MACROD2: variants seen among roughly 807,000 people sequenced by gnomAD.
MACROD2 encodes the protein mono-ADP ribosylhydrolase 2, also known as ADP-ribose glycohydrolase MACROD2.
A neutral mutation model predicts 70.4 loss-of-function variants in MACROD2; 36 were observed. The observed-to-expected ratio is 0.51, with a 90% CI of 0.39 to 0.68. The LOEUF (loss-of-function observed/expected upper bound fraction) is 0.68, where lower values mean the gene tolerates loss of function less well. Ranked by LOEUF, MACROD2 falls within the 30% of genes least tolerant of loss-of-function variation. MACROD2 has a pLI of 0.00. For missense variants in MACROD2, 496 were observed against 538.4 expected (o/e 0.92, Z 0.78); for synonymous variants, 172 against 178.8 (o/e 0.96, Z 0.30).
chr20:15,425,062 G>A (rs1160506460), intron 6 of MACROD2, among the ~76,000 whole-genome samples: 1 of 152,182 alleles, frequency 6.6e-6, no homozygotes, highest in Non-Finnish European at 1.5e-5. Context: ...TTCAGAGAGG[G>A]TGGCAGTGGT....
chr20:14,072,139 T>C (rs1239835129), intron 2 of MACROD2, among the ~76,000 whole-genome samples: 1 of 152,212 alleles, frequency 6.6e-6, no homozygotes, highest in Non-Finnish European at 1.5e-5. Context: ...TGTCAAATAG[T>C]AGCAGAAACT....
chr20:14,177,346 G>A (rs952461780), intron 3 of MACROD2, among the ~76,000 whole-genome samples: 1 of 136,066 alleles, frequency 7.3e-6, no homozygotes, highest in African/African-American at 2.8e-5. Flanking sequence ...TTGTTGCCCA[G>A]GCTTTTGTTG....
chr20:16,013,529 G>A (rs6080090), intron 15 of MACROD2, among the ~76,000 whole-genome samples: 1 of 152,146 alleles, frequency 6.6e-6, no homozygotes, highest in African/African-American at 2.4e-5. Flanking sequence ...CTCCAGTCAA[G>A]GCCATGTTTT....
intron 3 of MACROD2, among the ~76,000 whole-genome samples, chr20:14,340,173 G>A (rs2082998670): frequency 6.6e-6 from 1 of 152,178 alleles, no homozygotes; most frequent in South Asian, 2.1e-4. Context: ...GGCTGTAATA[G>A]GAAGGGAGGA....
At chr20:14,506,256 C>A (rs886153783) in intron 4 of MACROD2, among the ~76,000 whole-genome samples, 1 of 152,130 alleles carries the variant, frequency 6.6e-6, no homozygotes, top group African/African-American at 2.4e-5. Flanking sequence ...AGACCCTAAG[C>A]TTTTTATGTA....
chr20:15,598,546 A>G (rs2048775865), intron 8 of MACROD2, among the ~76,000 whole-genome samples: 1 of 152,204 alleles, frequency 6.6e-6, no homozygotes, highest in Non-Finnish European at 1.5e-5. Flanking sequence ...CGTGGTGCTA[A>G]TAAGACCTGG....
intron 15 of MACROD2, among the ~76,000 whole-genome samples, chr20:16,016,304 G>A (rs917879412): frequency 6.6e-6 from 1 of 152,152 alleles, no homozygotes; most frequent in Non-Finnish European, 1.5e-5. Flanking sequence ...GTGTTGGACT[G>A]TGGGCTTTGC....
intron 5 of MACROD2, among the ~76,000 whole-genome samples, chr20:14,717,976 A>G (rs576184443): frequency 1.3e-5 from 2 of 152,184 alleles, no homozygotes; most frequent in South Asian, 2.1e-4. Context: ...ACACACACAC[A>G]CACAAATGCA....
At chr20:14,277,917 GC>G (rs1488241620) in intron 3 of MACROD2, among the ~76,000 whole-genome samples, 2 of 152,208 alleles carry the variant, frequency 1.3e-5, no homozygotes, top group African/African-American at 2.4e-5. Context: ...TCACCATTCA[GC>G]ATTAGATTTA....
chr20:15,386,707 C>T (rs552777244), intron 6 of MACROD2, among the ~76,000 whole-genome samples: 11 of 152,246 alleles, frequency 7.2e-5, no homozygotes, highest in African/African-American at 2.4e-4. Flanking sequence ...AGAATATGTT[C>T]CTTCCAGGGG....
At chr20:15,873,488 C>G (rs1176566600) in intron 9 of MACROD2, among the ~76,000 whole-genome samples, 1 of 152,140 alleles carries the variant, frequency 6.6e-6, no homozygotes, top group East Asian at 1.9e-4. Context: ...CACAAAATTG[C>G]TGATCATAAC....
intron 8 of MACROD2, among the ~76,000 whole-genome samples, chr20:15,734,243 G>T (rs964703925): frequency 2.0e-4 from 31 of 152,148 alleles, no homozygotes; most frequent in Non-Finnish European, 7.4e-5. Context: ...GAAGCATGAC[G>T]CCAGAGAGAA....
At chr20:14,317,111 T>C (rs999085750) in intron 3 of MACROD2, among the ~76,000 whole-genome samples, 21 of 152,222 alleles carry the variant, frequency 1.4e-4, no homozygotes, top group African/African-American at 4.6e-4. Context: ...GCTGATTTCC[T>C]ATTTGCAACT....
At chr20:15,225,644 A>G (rs1027275891) in intron 5 of MACROD2, among the ~76,000 whole-genome samples, 20 of 152,122 alleles carry the variant, frequency 1.3e-4, no homozygotes, top group African/African-American at 4.6e-4. Context: ...TTTTATTTTT[A>G]TGTTGTAATG....
intron 12 of MACROD2, among the ~76,000 whole-genome samples, chr20:15,952,943 CTT>C (rs555921847): frequency 2.5e-4 from 38 of 152,246 alleles, no homozygotes; most frequent in African/African-American, 7.0e-4. Flanking sequence ...TGAGAAGAGA[CTT>C]TTCGAAAACT....
chr20:15,038,240 A>G (rs780394792), intron 5 of MACROD2, among the ~76,000 whole-genome samples: 39 of 152,224 alleles, frequency 2.6e-4, no homozygotes, highest in Non-Finnish European at 5.0e-4. Context: ...TAAGATTTCA[A>G]ACTGCATTTA....
At chr20:14,310,322 C>T (rs1184985652) in intron 3 of MACROD2, among the ~76,000 whole-genome samples, 1 of 152,058 alleles carries the variant, frequency 6.6e-6, no homozygotes, top group Non-Finnish European at 1.5e-5. Flanking sequence ...TAATGAACTC[C>T]TCAGGATAAA....
intron 8 of MACROD2, among the ~76,000 whole-genome samples, chr20:15,822,643 A>C (rs970540206): frequency 6.6e-6 from 1 of 151,730 alleles, no homozygotes; most frequent in Non-Finnish European, 1.5e-5. Context: ...AAATAACTTT[A>C]ATTTCACTAA....
intron 10 of MACROD2, among the ~76,000 whole-genome samples, chr20:15,917,199 G>C (rs2065332283): frequency 6.6e-6 from 1 of 152,152 alleles, no homozygotes; most frequent in African/African-American, 2.4e-5. Context: ...TTTCCTAAAA[G>C]ATCCAATTTA....
Sources: gnomAD v4.1 joint callset for allele counts (sites outside exome capture counted in the v4.1 genomes callset) on GRCh38, gnomAD v4.1.1 for gene constraint, MANE v1.5 for transcripts, NCBI Gene and HGNC (gene_info 2026-07-23, HGNC 2026-07-21) for gene names.